Variants in DORIP1 observed in about 807,000 individuals in gnomAD.
DORIP1 encodes dopamine receptor-interacting protein 1.
chr14:44,906,511 T>C, the DORIP1 span: 1 of 152,508 alleles, frequency 6.6e-6, no homozygotes, highest in Admixed American at 6.5e-5. Context: ...TCCTTGTAAG[T>C]AGTGATTGAT....
the DORIP1 span, chr14:44,900,338 G>A: frequency 8.7e-7 from 1 of 1,152,118 alleles, no homozygotes; most frequent in Admixed American, 3.5e-5. Flanking sequence ...CATTTGATTT[G>A]AGTCTTTAGA....
chr14:44,904,354 G>T, the DORIP1 span: 1 of 1,580,334 alleles, frequency 6.3e-7, no homozygotes, highest in Non-Finnish European at 8.6e-7. Flanking sequence ...AGCCAGCTTT[G>T]TCCCAAGTGT....
At chr14:44,903,420 G>A in the DORIP1 span, 1 of 1,455,176 alleles carries the variant, frequency 6.9e-7, no homozygotes, top group Non-Finnish European at 9.2e-7. Flanking sequence ...ATTTTACAGT[G>A]TTTTTGTTAC....
chr14:44,900,364 T>TTA, the DORIP1 span: 1 of 1,284,694 alleles, frequency 7.8e-7, no homozygotes. Flanking sequence ...TTATTTTCGT[T>TTA]TAAACATATT....
chr14:44,905,421 A>C, the DORIP1 span: 1 of 1,568,298 alleles, frequency 6.4e-7, no homozygotes, highest in South Asian at 1.2e-5. Flanking sequence ...ATTATTCTGC[A>C]GCTTTCCAGA....
chr14:44,899,823 A>ATTT, the DORIP1 span, among the ~76,000 whole-genome samples: 1,106 of 134,418 alleles, frequency 8.2e-3, 101 homozygotes, highest in African/African-American at 0.032. Context: ...TTCATTTAGG[A>ATTT]ATTTTTTTTT....
chr14:44,903,299 G>A, the DORIP1 span: 4 of 1,608,212 alleles, frequency 2.5e-6, no homozygotes, highest in Non-Finnish European at 3.4e-6. Flanking sequence ...GAGCATGGGT[G>A]AGTATACAAT....
At chr14:44,898,717 A>G in the DORIP1 span, among the ~76,000 whole-genome samples, 1 of 152,186 alleles carries the variant, frequency 6.6e-6, no homozygotes, top group Non-Finnish European at 1.5e-5. Flanking sequence ...GGATGACTAG[A>G]ATCAATGTGT....
the DORIP1 span, chr14:44,905,298 T>C: frequency 0.023 from 23,845 of 1,051,836 alleles, 798 homozygotes; most frequent in African/African-American, 0.15. Context: ...TCCTTAGTTA[T>C]GAATTTAAGG....
At chr14:44,904,617 A>G in the DORIP1 span, 3 of 1,269,426 alleles carry the variant, frequency 2.4e-6, no homozygotes, top group African/African-American at 4.6e-5. Context: ...CTTAAGAGAT[A>G]TTGTTGAAAA....
chr14:44,901,881 G>A, the DORIP1 span, among the ~76,000 whole-genome samples: 19 of 152,272 alleles, frequency 1.2e-4, no homozygotes, highest in East Asian at 3.5e-3. Flanking sequence ...GTAAATGATA[G>A]GGACAAAGTC....
chr14:44,903,991 G>A, the DORIP1 span: 19 of 979,264 alleles, frequency 1.9e-5, no homozygotes, highest in Non-Finnish European at 2.3e-5. Flanking sequence ...ATAATATGAG[G>A]AAACAATTTG....
the DORIP1 span, among the ~76,000 whole-genome samples, chr14:44,900,194 A>G: frequency 6.6e-6 from 1 of 152,090 alleles, no homozygotes; most frequent in Admixed American, 6.6e-5. Flanking sequence ...TAATTAATAT[A>G]AAGCCTATCA....
the DORIP1 span, among the ~76,000 whole-genome samples, chr14:44,898,054 G>A: frequency 6.6e-6 from 1 of 152,212 alleles, no homozygotes; most frequent in South Asian, 2.1e-4. Context: ...TTTTGTCAAA[G>A]AAATAGAGGT....
At chr14:44,900,413 G>A in the DORIP1 span, 1 of 1,430,708 alleles carries the variant, frequency 7.0e-7, no homozygotes, top group Non-Finnish European at 9.2e-7. Context: ...TATGTGTTCT[G>A]TTTTAAACTT....
chr14:44,899,104 T>TAAAC, the DORIP1 span: 2 of 152,228 alleles, frequency 1.3e-5, no homozygotes, highest in Non-Finnish European at 2.9e-5. Flanking sequence ...TGTTGTTAGT[T>TAAAC]TATTTGCTTG....
the DORIP1 span, chr14:44,905,425 T>C: frequency 1.3e-6 from 2 of 1,569,570 alleles, no homozygotes; most frequent in South Asian, 2.4e-5. Flanking sequence ...TTCTGCAGCT[T>C]TCCAGATTGG....
At chr14:44,898,518 T>G in the DORIP1 span, among the ~76,000 whole-genome samples, 3 of 152,222 alleles carry the variant, frequency 2.0e-5, no homozygotes, top group Admixed American at 6.5e-5. Flanking sequence ...ATCTTAAACC[T>G]TGCTACAAAG....
At chr14:44,904,111 G>C in the DORIP1 span, 9 of 985,308 alleles carry the variant, frequency 9.1e-6, no homozygotes, top group South Asian at 2.8e-4. Context: ...AAAAGCGTTT[G>C]TATCAGTTCT....
Sources: allele counts gnomAD v4.1 joint callset (sites outside exome capture counted in the v4.1 genomes callset), GRCh38; gene constraint gnomAD v4.1.1; transcripts MANE v1.5; gene names NCBI Gene and HGNC (gene_info 2026-07-23, HGNC 2026-07-21).